Variants in SYN1 observed in about 807,000 individuals in gnomAD.
The protein encoded by SYN1 is synapsin-1.
SYN1 carries 8 observed loss-of-function variants against 44.6 expected under a neutral mutation model. That is an observed-to-expected ratio of 0.18 (90% CI 0.11 to 0.32). The LOEUF is 0.32. Ranked by LOEUF, SYN1 falls within the 10% of genes least tolerant of loss-of-function variation. SYN1 has a pLI of 1.00. For missense variants in SYN1, 451 were observed against 639.4 expected, an observed-to-expected ratio of 0.71 and a Z score of 3.18; for synonymous variants, 275 against 280.1, an observed-to-expected ratio of 0.98 and a Z score of 0.18.
At chrX:47,586,651 G>A (rs778252202) in intron 5 of SYN1, 1 of 1,211,455 alleles carries the variant, frequency 8.3e-7, no homozygotes, top group Non-Finnish European at 1.1e-6. Context: ...CGGGAGCCAG[G>A]GCTGTGCACC....
chrX:47,581,900 G>A (rs1192014910), intron 5 of SYN1, among the ~76,000 whole-genome samples: 1 of 111,609 alleles, frequency 9.0e-6, no homozygotes, highest in African/African-American at 3.3e-5. Flanking sequence ...CCGTGCCTCA[G>A]TTTCCCCATT....
chrX:47,579,295 G>A (rs1306553778), intron 5 of SYN1, among the ~76,000 whole-genome samples: 2 of 111,151 alleles, frequency 1.8e-5, no homozygotes, highest in Admixed American at 9.5e-5. Flanking sequence ...ATGTGTGTGT[G>A]CCCATACATG....
At chrX:47,586,047 C>T (rs1037625392) in intron 5 of SYN1, 16 of 969,420 alleles carry the variant, frequency 1.7e-5, no homozygotes, top group Non-Finnish European at 2.1e-5. Context: ...AGCACATCTG[C>T]TTGTTGCTCT....
intron 5 of SYN1, among the ~76,000 whole-genome samples, chrX:47,594,677 T>C (rs752847179): frequency 9.0e-6 from 1 of 111,506 alleles, no homozygotes; most frequent in East Asian, 2.8e-4. Context: ...AGTCTGTTAG[T>C]ACAAGATCAC....
intron 5 of SYN1, among the ~76,000 whole-genome samples, chrX:47,579,015 C>T (rs181350834): frequency 1.6e-3 from 175 of 111,990 alleles, no homozygotes; most frequent in Non-Finnish European, 2.9e-3. Flanking sequence ...CAGTACCACC[C>T]AGGTGTGCGC....
intron 1 of SYN1, among the ~76,000 whole-genome samples, chrX:47,609,366 C>A (rs2057910520): frequency 8.9e-6 from 1 of 111,885 alleles, no homozygotes; most frequent in Non-Finnish European, 1.9e-5. Flanking sequence ...AAAGGCCAGC[C>A]TCCTTGCCTC....
rs758934725 is a variant in SYN1 at position 47,610,366 on chromosome X, CCT to C, written c.378-3170_378-3169del. On this transcript the variant is annotated intron_variant, in intron 1 of 12. Transcript: ENST00000295987. ...TGGGCCTGCTGAAGTAGACTACTCC[CCT>C]GAGTTAGAATATAGACCTTCTGCTT... is the stretch of plus-strand genomic sequence containing the variant. 1.1e-4 allele frequency among the ~76,000 whole-genome samples: 12 copies of C among 109,523 alleles called. No homozygotes were observed. In the East Asian group the frequency reaches 3.2e-3, roughly 29 times the overall value.
intron 12 of SYN1, 141 bp from the exon 13 acceptor site, chrX:47,573,140 C>T: frequency 1.3e-6 from 1 of 784,105 alleles, no homozygotes; most frequent in East Asian, 3.5e-5. Context: ...TCCCCACCTG[C>T]CACCATGGGC....
At chrX:47,616,509 G>A (rs1235010560) in intron 1 of SYN1, among the ~76,000 whole-genome samples, 6 of 111,663 alleles carry the variant, frequency 5.4e-5, no homozygotes, top group African/African-American at 1.3e-4. Flanking sequence ...AGTGGAGACC[G>A]GAAGTCTAAA....
chrX:47,604,081 AT>A (rs1270221686), intron 5 of SYN1, among the ~76,000 whole-genome samples: 3 of 104,806 alleles, frequency 2.9e-5, no homozygotes, highest in Admixed American at 1.0e-4. Flanking sequence ...CTAATTTTGT[AT>A]TTTTTTAGTA....
Position 47,619,585 on chromosome X carries a change from G to C in SYN1, c.144C>G (p.Thr48=), listed in dbSNP as rs1363812576. 8.6e-7 allele frequency: 1 copy of C among 1,163,326 alleles called. No individual in the cohort carries two copies. The highest frequency in any genetic ancestry group is 1.8e-5 in the African/African-American group (1 of 55,777). ...CCCCGGAGGACCTCTCGGCAGTGGC[G>C]GTCCCGGGACCGGGCGTGGCTCCGG... The part of the protein sequence containing the change: ...HSPGATPGPG[T]ATAERSSGVA... The change falls in exon 1 of 13, where the codon ACC becomes ACG. Residue 48 remains threonine, a synonymous_variant. Coordinates refer to ENST00000295987, the MANE Select transcript of SYN1 (RefSeq NM_006950.3).
At chrX:47,609,039 C>CACACACACACA (rs773314743) in intron 1 of SYN1, among the ~76,000 whole-genome samples, 5 of 109,012 alleles carry the variant, frequency 4.6e-5, no homozygotes, top group Non-Finnish European at 7.6e-5. Context: ...CACACACACA[C>CACACACACACA]CATCGCTGAC....
At chrX:47,573,064 AAC>A (rs1367441188) in intron 12 of SYN1, 65 bp from the exon 13 acceptor site, 6 of 1,165,972 alleles carry the variant, frequency 5.1e-6, no homozygotes, top group Non-Finnish European at 7.0e-6. Context: ...AGGGGAGAGA[AAC>A]ACAACGTTAC....
rs2057763443 is a variant in SYN1, at chrX:47,572,613, CAG to C, written c.*249_*250del. ...CTTCAGGAATGTGGAGGTTCTAAAACAGAAGTAGATCCTGAAGTGACCACGAG... is the reference window on the plus strand; with the variant it reads ...CTTCAGGAATGTGGAGGTTCTAAAACAAGTAGATCCTGAAGTGACCACGAG... On this transcript the variant is annotated 3_prime_UTR_variant, in exon 13 of 13. Coordinates refer to ENST00000295987, the MANE Select transcript of SYN1 (RefSeq NM_006950.3). 10 of 363,945 alleles carry C rather than the reference CAG, an allele frequency of 2.7e-5. 1 individual carries two copies. In the South Asian group the frequency reaches 3.7e-4, roughly 13 times the overall value. The allele number at this position is 363,945 out of a possible 1,213,427, so 30.0% of individuals were successfully genotyped here. A position where few individuals can be genotyped will look rare whatever the true frequency, so the allele number is the denominator to read the frequency against.
chrX:47,613,544 T>G (rs947653723), intron 1 of SYN1, among the ~76,000 whole-genome samples: 12 of 111,615 alleles, frequency 1.1e-4, no homozygotes, highest in Non-Finnish European at 2.1e-4. Flanking sequence ...TATTTGAGTT[T>G]GCCTTTTCTT....
chrX:47,607,058 G>T, intron 2 of SYN1, 22 bp from the exon 3 acceptor site: 1 of 1,208,146 alleles, frequency 8.3e-7, no homozygotes, highest in Non-Finnish European at 1.1e-6. Flanking sequence ...AAAAAAACTG[G>T]TGATTCACCT....
intron 5 of SYN1, chrX:47,585,797 C>T (rs1238031275): frequency 8.6e-7 from 1 of 1,157,019 alleles, no homozygotes; most frequent in South Asian, 1.9e-5. Flanking sequence ...AAGGGCTGTC[C>T]CTGATCTCTC....
intron 5 of SYN1, among the ~76,000 whole-genome samples, chrX:47,591,442 C>T (rs12559303): frequency 0.1 from 11,145 of 110,573 alleles, 502 homozygotes; most frequent in Non-Finnish European, 0.13. Context: ...TAGTATAGGC[C>T]GGGCGCGGTG....
chrX:47,579,724 G>A (rs964072500), intron 5 of SYN1, among the ~76,000 whole-genome samples: 10 of 111,651 alleles, frequency 9.0e-5, no homozygotes, highest in Admixed American at 1.9e-4. Context: ...GACTTCCCCT[G>A]CCCTCACTTC....
Sources: allele counts gnomAD v4.1 joint callset (sites outside exome capture counted in the v4.1 genomes callset), GRCh38; gene constraint gnomAD v4.1.1; transcripts MANE v1.5; gene names NCBI Gene and HGNC (gene_info 2026-07-23, HGNC 2026-07-21).